Variants in FAM98A observed in about 807,000 individuals in gnomAD.
FAM98A encodes the protein protein FAM98A.
In FAM98A, 25 loss-of-function variants were observed where a neutral mutation model predicts 62.9. The ratio of observed to expected loss-of-function variants is 0.40; its 90% CI spans 0.29 to 0.56. FAM98A has a LOEUF of 0.56. Among genes scored for constraint, FAM98A ranks in the 20% least tolerant of loss-of-function variants. The probability of loss-of-function intolerance (pLI) is 0.51; values close to 1 mark genes in which losing one functional copy is unlikely to be tolerated. For synonymous variants in FAM98A, 252 were observed against 228.6 expected (o/e 1.10, Z -0.92); for missense variants, 653 against 640.7 (o/e 1.02, Z -0.21).
intron 2 of FAM98A, among the ~76,000 whole-genome samples, chr2:33,592,844 C>T (rs755676055): frequency 6.6e-6 from 1 of 152,146 alleles, no homozygotes; most frequent in Non-Finnish European, 1.5e-5. Context: ...ACCTACATTC[C>T]CTCCACAAAT....
chr2:33,597,000 G>C (rs1441989514), intron 1 of FAM98A, among the ~76,000 whole-genome samples: 1 of 151,564 alleles, frequency 6.6e-6, no homozygotes, highest in Non-Finnish European at 1.5e-5. Flanking sequence ...TACAGTATAT[G>C]CAACAAAATG....
At chr2:33,592,918 C>T (rs1677705723) in intron 2 of FAM98A, among the ~76,000 whole-genome samples, 1 of 152,214 alleles carries the variant, frequency 6.6e-6, no homozygotes, top group Admixed American at 6.5e-5. Context: ...TATTTCCACT[C>T]TGTGCCTTCA....
At position 33,592,243 on chromosome 2, in the gene FAM98A, A is replaced by C. The variant is rs771733028; in HGVS notation, c.203-29T>G. On this transcript the variant is annotated intron_variant, in intron 2 of 7. Transcript: ENST00000238823. ...TTAAGAATTAAAATAATCTTATTTAATGATAGTGATTATTTTTCCATTAGC... is the reference window on the plus strand; with the variant it reads ...TTAAGAATTAAAATAATCTTATTTACTGATAGTGATTATTTTTCCATTAGC... 7.9e-6 allele frequency: 12 copies of C among 1,528,184 alleles called. No individual in the cohort carries two copies. In the African/African-American group the frequency reaches 1.1e-4, roughly 14 times the overall value. 94.7% of individuals were successfully genotyped at this position (1,528,184 alleles called of 1,614,324 possible).
At chr2:33,592,927 C>G (rs1257111423) in intron 2 of FAM98A, among the ~76,000 whole-genome samples, 1 of 152,196 alleles carries the variant, frequency 6.6e-6, no homozygotes, top group East Asian at 1.9e-4. Flanking sequence ...TCTGTGCCTT[C>G]ATTTAAGTTA....
chr2:33,589,885 C>T (rs1247414331), intron 3 of FAM98A: 7 of 152,136 alleles, frequency 4.6e-5, no homozygotes, highest in Admixed American at 4.6e-4. Flanking sequence ...AAAATATTTA[C>T]TATCTGGCCC....
chr2:33,595,358 T>A, intron 2 of FAM98A, 131 bp downstream of exon 2: 1 of 689,362 alleles, frequency 1.5e-6, no homozygotes, highest in Non-Finnish European at 2.2e-6. Flanking sequence ...GGAAAAAAAA[T>A]CTTGGCTTCT....
Position 33,584,961 on chromosome 2 carries a change from C to T in FAM98A, c.1372G>A (p.Gly458Ser). Reference protein sequence around the residue: ...YQDGGHHGDRGGGRGGRGGRG... With the variant: ...YQDGGHHGDRSGGRGGRGGRG... ...CCACCTCGCCCACCACGACCACCAC[C>T]ACGATCACCATGGTGCCCGCCATCT... The change falls in exon 8 of 8, where the codon GGT becomes AGT. Residue 458 changes from glycine to serine, a missense_variant. Gly to Ser is a moderately conservative substitution (Grantham distance 56). Coordinates refer to ENST00000238823, the MANE Select transcript of FAM98A (RefSeq NM_015475.5). 6.2e-7 allele frequency: 1 copy of T among 1,614,066 alleles called. No homozygotes were observed. The highest frequency in any genetic ancestry group is 8.5e-7 in the Non-Finnish European group (1 of 1,179,994).
intron 1 of FAM98A, 66 bp from the exon 2 acceptor site, chr2:33,595,703 A>G: frequency 8.7e-7 from 1 of 1,154,298 alleles, no homozygotes; most frequent in South Asian, 1.6e-5. Flanking sequence ...CAGATAAAAC[A>G]TATCTATGTC....
chr2:33,599,155 C>T lies in FAM98A; in HGVS notation c.53+14G>A. On this transcript the variant is annotated intron_variant, in intron 1 of 7. Transcript: ENST00000238823. The stretch of plus-strand genomic sequence containing the variant: ...AGCGTGGGGCTTGGGAGACCCGTGC[C>T]CTGACAATCTTACCCTAGATCTTCC... The T allele has an allele frequency of 1.2e-6, 2 of 1,612,008 alleles. No homozygotes were observed. Among genetic ancestry groups the T allele is most frequent in the Non-Finnish European group, 1.7e-6 (2 of 1,178,160 alleles).
At chr2:33,594,654 CACATATATATACACAT>C (rs1257709024) in intron 2 of FAM98A, among the ~76,000 whole-genome samples, 1 of 97,374 alleles carries the variant, frequency 1.0e-5, no homozygotes, top group Non-Finnish European at 1.9e-5. Context: ...TATATATACA[CACATATATATACACAT>C]ATATATATAC....
chr2:33,596,721 C>T (rs1677820976), intron 1 of FAM98A, among the ~76,000 whole-genome samples: 1 of 151,906 alleles, frequency 6.6e-6, no homozygotes, highest in South Asian at 2.1e-4. Context: ...GAAACCCCAT[C>T]TCTAATAAAA....
At chr2:33,586,492 G>A in intron 6 of FAM98A, 70 bp downstream of exon 6, 3 of 1,027,768 alleles carry the variant, frequency 2.9e-6, no homozygotes, top group South Asian at 2.8e-5. Flanking sequence ...TTGCCAAGTA[G>A]CTAAATTGTT....
intron 2 of FAM98A, among the ~76,000 whole-genome samples, chr2:33,595,118 T>C (rs1677779093): frequency 6.6e-6 from 1 of 152,366 alleles, no homozygotes; most frequent in African/African-American, 2.4e-5. Context: ...TAGATGCTTC[T>C]AGAATCTGGT....
intron 1 of FAM98A, among the ~76,000 whole-genome samples, chr2:33,596,891 C>CAAAAA (rs55741538): frequency 9.7e-6 from 1 of 103,418 alleles, no homozygotes; most frequent in Non-Finnish European, 1.8e-5. Context: ...GACTCCGTAT[C>CAAAAA]AAAAAAAAAA....
chr2:33,588,342 TCAATCCCGC>T lies in FAM98A; in HGVS notation c.506_514del (p.Ser169_Glu172delinsLys), dbSNP rs1572416540. On this transcript the variant is annotated inframe_deletion, in exon 4 of 8. Coordinates refer to ENST00000238823, the MANE Select transcript of FAM98A (RefSeq NM_015475.5). ...TGGTACTAAAGGTCTTACTTTTTTT[TCAATCCCGC>T]TGAAGAATTGGAACATAGTTATATT... 7 of 1,610,408 alleles carry T rather than the reference TCAATCCCGC, an allele frequency of 4.3e-6. No homozygotes were observed. In the Admixed American group the frequency reaches 5.0e-5, roughly 12 times the overall value.
intron 1 of FAM98A, among the ~76,000 whole-genome samples, chr2:33,598,440 C>T (rs571914717): frequency 1.2e-4 from 18 of 152,162 alleles, no homozygotes; most frequent in Non-Finnish European, 2.4e-4. Context: ...CTATTTCCAG[C>T]TTCTAGATAC....
chr2:33,599,283 C>G lies in FAM98A; in HGVS notation c.-62G>C. The G allele has an allele frequency of 7.2e-7, 1 of 1,388,952 alleles. No individual in the cohort carries two copies. Among genetic ancestry groups the G allele is most frequent in the Non-Finnish European group, 1.0e-6 (1 of 974,308 alleles). 86.0% of individuals were successfully genotyped at this position (1,388,952 alleles called of 1,614,324 possible). On this transcript the variant is annotated 5_prime_UTR_variant, in exon 1 of 8. Transcript: ENST00000238823. Reference sequence around the variant, plus strand: ...CCCCTCTTCGCCGGCAACGCGTACACTCGCGCATGCGCGACTTCCCCGGAA... The same window carrying G: ...CCCCTCTTCGCCGGCAACGCGTACAGTCGCGCATGCGCGACTTCCCCGGAA...
chr2:33,599,049 G>A (rs1677891932), intron 1 of FAM98A, 120 bp downstream of exon 1: 2 of 835,970 alleles, frequency 2.4e-6, no homozygotes, highest in Non-Finnish European at 4.1e-6. Flanking sequence ...AAAGGGAAGC[G>A]ACAGCCAGGA....
intron 1 of FAM98A, among the ~76,000 whole-genome samples, chr2:33,596,280 T>G (rs1417782800): frequency 6.6e-6 from 1 of 152,236 alleles, no homozygotes; most frequent in African/African-American, 2.4e-5. Context: ...ATAAATTTAA[T>G]GCCAGTTAAG....
Sources: gnomAD v4.1 joint callset for allele counts (sites outside exome capture counted in the v4.1 genomes callset) on GRCh38, gnomAD v4.1.1 for gene constraint, MANE v1.5 for transcripts, NCBI Gene and HGNC (gene_info 2026-07-23, HGNC 2026-07-21) for gene names.